The following DHX32 variants were observed in gnomAD, a reference collection of about 807,000 sequenced individuals.
The protein encoded by DHX32 is putative pre-mRNA-splicing factor ATP-dependent RNA helicase DHX32.
Under a neutral mutation model 70.0 loss-of-function variants are expected in DHX32, and 51 were observed. The ratio of observed to expected loss-of-function variants is 0.73; its 90% confidence interval spans 0.58 to 0.92. DHX32 has a LOEUF of 0.92. Among genes scored for constraint, DHX32 ranks in the 40% least tolerant of loss-of-function variants. The pLI is 0.00. For missense variants in DHX32, 762 were observed against 891.8 expected (o/e 0.85, Z 1.85); for synonymous variants, 310 against 315.3 (o/e 0.98, Z 0.18).
At position 125,854,046 on chromosome 10, in the gene DHX32, A is replaced by C; in HGVS notation, c.1007T>G (p.Val336Gly). The C allele has an allele frequency of 6.2e-7, 1 of 1,613,754 alleles. No homozygotes were observed. Among genetic ancestry groups the C allele is most frequent in the Non-Finnish European group, 8.5e-7 (1 of 1,179,922 alleles). Residue 336 changes from valine (V) to glycine (G), a missense_variant, in exon 4 of 11, where the codon GTG (valine) becomes GGG (glycine). Around this residue, in one of 3 missense-constraint regions of DHX32, gnomAD observed 394 missense variants for 473.1 expected, o/e 0.83. Transcript: ENST00000284690. ...EKRCQVYQRR[V>G]VLTTSSGEFL... The stretch of plus-strand genomic sequence containing the variant: ...CTCTCCAGAGCTAGTAGTTAACACC[A>C]CTCTTCTTTGATAAACTTGGCATCT...
intron 6 of DHX32, among the ~76,000 whole-genome samples, chr10:125,843,382 G>A (rs374292657): frequency 1.1e-3 from 167 of 152,192 alleles, no homozygotes; most frequent in African/African-American, 3.9e-3. Context: ...AGGCCGAGGC[G>A]GGAGGATCAC....
At position 125,855,335 on chromosome 10, in the gene DHX32, T is replaced by C. The variant is rs1316502098; in HGVS notation, c.850-1132A>G. On this transcript the variant is annotated intron_variant, in intron 3 of 10. Coordinates refer to ENST00000284690, the MANE Select transcript of DHX32 (RefSeq NM_018180.3). Reference sequence around the variant, plus strand: ...AGGACACGCATTCATTCCTCCCAGATGAGTCCATCAAGCAAGCTTCTCACT... The same window carrying C: ...AGGACACGCATTCATTCCTCCCAGACGAGTCCATCAAGCAAGCTTCTCACT... Among the ~76,000 whole-genome samples, 6 of 152,122 alleles carry C rather than the reference T, an allele frequency of 3.9e-5. No homozygotes were observed. In the South Asian group the frequency reaches 1.0e-3, roughly 26 times the overall value.
At chr10:125,858,944 C>G (rs1040324466) in intron 3 of DHX32, among the ~76,000 whole-genome samples, 1 of 150,380 alleles carries the variant, frequency 6.6e-6, no homozygotes, top group African/African-American at 2.4e-5. Context: ...AAAGCAGTAA[C>G]AGAATGGAAA....
intron 1 of DHX32, among the ~76,000 whole-genome samples, chr10:125,895,084 G>C (rs1475284781): frequency 4.6e-5 from 7 of 152,256 alleles, no homozygotes; most frequent in Non-Finnish European, 8.8e-5. Context: ...AAACCTTCTT[G>C]TTTTGACAAT....
At position 125,836,480 on chromosome 10, in the gene DHX32, C is replaced by CA. The variant is rs1317842441; in HGVS notation, c.*206dup. On this transcript the variant is annotated 3_prime_UTR_variant, in exon 11 of 11. Transcript: ENST00000284690. ...TGAGTGGTTGATTTAAAAACTTTTC[C>CA]AAGAAGAAGAAAAGCATGGAGTAGT... 7.2e-7 allele frequency: 1 copy of CA among 1,385,664 alleles called. No individual in the cohort carries two copies. The highest frequency in any genetic ancestry group is 1.5e-5 in the African/African-American group (1 of 68,618). The allele number at this position is 1,385,664 out of a possible 1,614,324, so 85.8% of individuals were successfully genotyped here.
At chr10:125,860,036 T>C in intron 2 of DHX32, 61 bp from the exon 3 acceptor site, 1 of 1,406,434 alleles carries the variant, frequency 7.1e-7, no homozygotes, top group South Asian at 1.7e-5. Flanking sequence ...AAAAACTTCC[T>C]AACAAGAAAA....
At chr10:125,868,096 A>T (rs1944234602) in intron 1 of DHX32, among the ~76,000 whole-genome samples, 1 of 152,218 alleles carries the variant, frequency 6.6e-6, no homozygotes. Context: ...CAGTGAGATA[A>T]TCAACCAACC....
upstream of DHX32, among the ~76,000 whole-genome samples, chr10:125,885,647 A>G (rs1409409095): frequency 6.6e-6 from 1 of 152,222 alleles, no homozygotes; most frequent in African/African-American, 2.4e-5. Context: ...TAGTCCAGTG[A>G]GACCGACAAC....
In DHX32 at chr10:125,836,535, T is replaced by C. The variant is rs529488671; in HGVS notation, c.*152A>G. 2.2e-5 allele frequency: 30 copies of C among 1,338,182 alleles called. No individual in the cohort carries two copies. In the South Asian group the frequency reaches 4.8e-4, roughly 21 times the overall value. The allele number at this position is 1,338,182 out of a possible 1,614,324, so 82.9% of individuals were successfully genotyped here. ...TAAAGAACTCAATAAAAACTTCTAT[T>C]TTTTATTTTAAAATAATATACACAG... On this transcript the variant is annotated 3_prime_UTR_variant, in exon 11 of 11. Coordinates refer to ENST00000284690, the MANE Select transcript of DHX32 (RefSeq NM_018180.3).
At position 125,880,547 on chromosome 10, in the gene DHX32, G is replaced by A. The variant is rs2134073429; in HGVS notation, c.278C>T (p.Ala93Val). Residue 93 changes from alanine (A) to valine (V), a missense_variant, in exon 1 of 11, where the codon GCT becomes GTT. By Grantham distance (64) the Ala-to-Val change is moderately conservative. Around this residue, in one of 3 missense-constraint regions of DHX32, gnomAD observed 394 missense variants for 473.1 expected, o/e 0.83. Coordinates refer to ENST00000284690, the MANE Select transcript of DHX32 (RefSeq NM_018180.3). ...VSGDAKCGKS[A>V]QVPQWCAEYC... ...TTTTTTGTAGTGGTTACTCACCTGA[G>A]CGCTCTTACCACATTTAGCATCTCC... 6.3e-7 allele frequency: 1 copy of A among 1,597,812 alleles called. No individual in the cohort carries two copies. The highest frequency in any genetic ancestry group is 1.7e-4 in the Middle Eastern group (1 of 5,958).
chr10:125,860,804 G>GA (rs1298275305), intron 2 of DHX32, among the ~76,000 whole-genome samples: 2 of 132,112 alleles, frequency 1.5e-5, no homozygotes, highest in Non-Finnish European at 3.1e-5. Flanking sequence ...CGCCCAGGCT[G>GA]GAGTGCAGTG....
At chr10:125,840,670 G>A (rs879008342) in intron 8 of DHX32, among the ~76,000 whole-genome samples, 177 bp downstream of exon 8, 8 of 152,374 alleles carry the variant, frequency 5.3e-5, no homozygotes, top group South Asian at 2.1e-4. Context: ...GGAGCAGGGG[G>A]ACTGAGCATC....
chr10:125,860,062 T>C, intron 2 of DHX32, 87 bp from the exon 3 acceptor site: 1 of 1,230,734 alleles, frequency 8.1e-7, no homozygotes, highest in East Asian at 2.6e-5. Context: ...TTTCCTATAT[T>C]CATTTCTCTA....
At chr10:125,844,687 T>G (rs754442471) in intron 6 of DHX32, among the ~76,000 whole-genome samples, 1 of 152,240 alleles carries the variant, frequency 6.6e-6, no homozygotes, top group Non-Finnish European at 1.5e-5. Context: ...GGGGGTTCTT[T>G]AGGGCAGTGC....
chr10:125,838,514 TG>T, intron 9 of DHX32, 127 bp from the exon 10 acceptor site: 1 of 873,506 alleles, frequency 1.1e-6, no homozygotes, highest in Non-Finnish European at 1.6e-6. Context: ...TTGCCACTCA[TG>T]TTTCCTACTT....
intron 1 of DHX32, among the ~76,000 whole-genome samples, chr10:125,878,180 C>T (rs1206779852): frequency 6.6e-6 from 1 of 152,080 alleles, no homozygotes; most frequent in Non-Finnish European, 1.5e-5. Flanking sequence ...TGAAGGAGAC[C>T]AGAATATGTG....
chr10:125,895,973 G>T (rs78185415), intron 1 of DHX32, among the ~76,000 whole-genome samples: 15 of 150,574 alleles, frequency 1.0e-4, no homozygotes, highest in Non-Finnish European at 1.0e-4. Context: ...GGCTCGGAGG[G>T]AGCCCCTGGT....
At chr10:125,860,012 T>C (rs375771269) in intron 2 of DHX32, 37 bp from the exon 3 acceptor site, 11 of 1,476,296 alleles carry the variant, frequency 7.5e-6, no homozygotes, top group Non-Finnish European at 9.9e-6. Flanking sequence ...AATATTCTTA[T>C]GCTAACTCAT....
chr10:125,840,307 T>C (rs1428509034), intron 8 of DHX32, among the ~76,000 whole-genome samples: 1 of 152,204 alleles, frequency 6.6e-6, no homozygotes, highest in Non-Finnish European at 1.5e-5. Context: ...TGGCTTTGCT[T>C]TGACATGCGC....
Sources: gnomAD v4.1 joint callset for allele counts (sites outside exome capture counted in the v4.1 genomes callset) on GRCh38, gnomAD v4.1.1 for gene constraint, gnomAD v4.1.1 regional missense constraint, MANE v1.5 for transcripts, NCBI Gene and HGNC (gene_info 2026-07-23, HGNC 2026-07-21) for gene names.